Variants in LIMA1 observed in about 807,000 individuals in gnomAD.
LIMA1 encodes the protein LIM domain and actin binding 1, also known as LIM domain and actin-binding protein 1.
In LIMA1, 52 loss-of-function variants were observed where a neutral mutation model predicts 62.6. That is an observed-to-expected ratio of 0.83 (90% CI 0.67 to 1.05). LIMA1 has a LOEUF of 1.05. LIMA1 is among the 50% of genes least tolerant of loss of function. The probability of loss-of-function intolerance (pLI) is 0.00; values close to 1 mark genes in which losing one functional copy is unlikely to be tolerated. For missense variants in LIMA1, 780 were observed against 902.2 expected, an observed-to-expected ratio of 0.86 and a Z score of 1.74; for synonymous variants, 302 against 317.8, an observed-to-expected ratio of 0.95 and a Z score of 0.53.
At chr12:50,198,005 A>G (rs1940967174) in intron 7 of LIMA1, among the ~76,000 whole-genome samples, 1 of 152,238 alleles carries the variant, frequency 6.6e-6, no homozygotes, top group Non-Finnish European at 1.5e-5. Flanking sequence ...ATGGGGGATT[A>G]TATGACCATG....
At chr12:50,203,396 T>C (rs1020315235) in intron 6 of LIMA1, among the ~76,000 whole-genome samples, 6 of 151,964 alleles carry the variant, frequency 3.9e-5, no homozygotes, top group Non-Finnish European at 8.8e-5. Flanking sequence ...GGACCCTCCA[T>C]TGTATTTTGA....
intron 4 of LIMA1, among the ~76,000 whole-genome samples, chr12:50,216,207 C>T (rs190997524): frequency 2.0e-5 from 3 of 152,056 alleles, no homozygotes; most frequent in Admixed American, 1.3e-4. Context: ...TAAGTGTCAC[C>T]GTGGCATTTC....
Position 50,241,408 on chromosome 12 carries a change from G to A in LIMA1, c.119+7225C>T, listed in dbSNP as rs113310986. Among the ~76,000 whole-genome samples the A allele has an allele frequency of 2.8e-3, 427 of 152,148 alleles. 3 individuals are homozygous for A. The highest frequency in any genetic ancestry group is 9.5e-3 in the African/African-American group (395 of 41,508). ...TTAGCCAACTGTTCTCCAAGGCAAG[G>A]TATTTACATTGTGGTTAGTTGAGTA... On this transcript the variant is annotated intron_variant, in intron 2 of 10. Transcript: ENST00000341247.
At chr12:50,201,103 G>A in intron 6 of LIMA1, 1 of 1,315,452 alleles carries the variant, frequency 7.6e-7, no homozygotes, top group Non-Finnish European at 9.7e-7. Context: ...CTGTATGCTA[G>A]TGTAAAACTG....
At chr12:50,227,107 A>C (rs919236093) in intron 3 of LIMA1, among the ~76,000 whole-genome samples, 2 of 152,050 alleles carry the variant, frequency 1.3e-5, no homozygotes, top group African/African-American at 2.4e-5. Context: ...GTGTATCTAT[A>C]TAGACAGAGT....
At chr12:50,226,551 A>G (rs1413844202) in intron 3 of LIMA1, among the ~76,000 whole-genome samples, 4 of 152,106 alleles carry the variant, frequency 2.6e-5, no homozygotes, top group Admixed American at 2.6e-4. Context: ...ATAATGAAAA[A>G]AAGATTTCAC....
chr12:50,213,122 G>A (rs1179154599), intron 4 of LIMA1, among the ~76,000 whole-genome samples: 3 of 152,274 alleles, frequency 2.0e-5, no homozygotes, highest in South Asian at 4.1e-4. Context: ...GAGCCACCAC[G>A]CCAGGTCCCA....
intron 10 of LIMA1, among the ~76,000 whole-genome samples, chr12:50,179,847 C>A (rs1940454894): frequency 6.6e-6 from 1 of 151,690 alleles, no homozygotes; most frequent in Non-Finnish European, 1.5e-5. Context: ...CTCAAGTGAT[C>A]CTCCAGCCTC....
At chr12:50,208,694 A>ATG (rs1015713978) in intron 4 of LIMA1, among the ~76,000 whole-genome samples, 17 of 151,556 alleles carry the variant, frequency 1.1e-4, no homozygotes, top group East Asian at 5.8e-4. Context: ...CATATTACAT[A>ATG]TGTGTGTGTG....
In LIMA1 at chr12:50,178,033, A is replaced by G. The variant is rs1277502294; in HGVS notation, c.1311T>C (p.Tyr437=). The G allele has an allele frequency of 6.4e-7, 1 of 1,559,066 alleles. No homozygotes were observed. Among genetic ancestry groups the G allele is most frequent in the Non-Finnish European group, 8.6e-7 (1 of 1,157,590 alleles). Residue 437 remains tyrosine (Y), a synonymous_variant, in exon 11 of 11, where the codon TAT becomes TAC. Coordinates refer to ENST00000341247, the MANE Select transcript of LIMA1 (RefSeq NM_016357.5). ...GTYASLHGRI[Y]CKPHFNQLFK... is the part of the protein sequence containing the mutation. ...AGAGTTGATTGAAGTGAGGCTTACA[A>G]TAGATTCTTCCATGTAAAGATGCAT...
chr12:50,234,966 A>G (rs1047425556), intron 2 of LIMA1, among the ~76,000 whole-genome samples: 10 of 152,222 alleles, frequency 6.6e-5, no homozygotes, highest in Admixed American at 3.9e-4. Flanking sequence ...AGCTACGATC[A>G]TGCCACTGTA....
At chr12:50,222,573 C>A (rs1294800855) in intron 3 of LIMA1, 88 bp from the exon 4 acceptor site, 2 of 1,577,868 alleles carry the variant, frequency 1.3e-6, no homozygotes, top group Admixed American at 3.7e-5. Flanking sequence ...AGTTAAAACT[C>A]CAAGCTGCTC....
rs577308413 is a variant in LIMA1, at chr12:50,241,933, A to ATTTTTTTTTTTTTTTTTTTTTT, written c.119+6678_119+6699dup. ...AATTTTGTTCCTCTTTCCTTCCCAGATTTTTTTTTTTTTTTTTTTTTTTTT... is the reference window on the plus strand; with the variant it reads ...AATTTTGTTCCTCTTTCCTTCCCAGATTTTTTTTTTTTTTTTTTTTTTTTTTTTTTTTTTTTTTTTTTTTTTT... On this transcript the variant is annotated intron_variant, in intron 2 of 10. Transcript: ENST00000341247. 5.5e-5 allele frequency among the ~76,000 whole-genome samples: 2 copies of ATTTTTTTTTTTTTTTTTTTTTT among 36,406 alleles called. 1 individual carries two copies. The highest frequency in any genetic ancestry group is 2.0e-4 in the African/African-American group (2 of 10,198). 23.9% of individuals were successfully genotyped at this position (36,406 alleles called of 152,430 possible). A position where few individuals can be genotyped will look rare whatever the true frequency, so the allele number is the denominator to read the frequency against.
rs144202278 is a variant in LIMA1 at position 50,177,876 on chromosome 12, T to C, written c.1468A>G (p.Ser490Gly). 28 of 1,613,290 alleles carry C rather than the reference T, an allele frequency of 1.7e-5. No individual in the cohort carries two copies. The highest frequency in any genetic ancestry group is 2.7e-5 in the African/African-American group (2 of 75,010). Residue 490 changes from serine to glycine, a missense_variant, in exon 11 of 11, where the codon AGC becomes GGC. Transcript: ENST00000341247. ...ATAGGGGCATCTTCTACCCCTGGGC[T>C]GTGAGGGGTCTCCCTTGCATTTGCA... ...QLANARETPH[S>G]PGVEDAPIAK...
intron 4 of LIMA1, chr12:50,218,419 T>A (rs1184599623): frequency 6.6e-6 from 1 of 152,144 alleles, no homozygotes; most frequent in African/African-American, 2.4e-5. Context: ...TCAAGACCAC[T>A]TACCCCAAAT....
chr12:50,212,703 T>TTGTA (rs1941278987), intron 4 of LIMA1, among the ~76,000 whole-genome samples: 1 of 152,200 alleles, frequency 6.6e-6, no homozygotes, highest in Admixed American at 6.5e-5. Context: ...TGTCCTTATA[T>TTGTA]TGTACTAGTG....
rs143161260 is a variant in LIMA1, at chr12:50,177,930, C to A, written c.1414G>T (p.Glu472Ter). The part of the protein sequence containing the change: ...KDLWASKNEN[E>*]EILERPAQLA... ...TGGGCTGGTCTCTCCAAAATCTCTT[C>A]GTTTTCATTTTTGCTTGCCCATAGA... is the stretch of plus-strand genomic sequence containing the variant. The change falls in exon 11 of 11, where the codon GAA becomes TAA. Residue 472 changes from glutamate to a stop codon, truncating the protein, a stop_gained. Transcript: ENST00000341247. LOFTEE classifies it high-confidence loss of function. The A allele has an allele frequency of 6.2e-7, 1 of 1,614,026 alleles. No individual in the cohort carries two copies.
At chr12:50,215,009 T>C (rs1300426399) in intron 4 of LIMA1, among the ~76,000 whole-genome samples, 1 of 152,226 alleles carries the variant, frequency 6.6e-6, no homozygotes, top group Non-Finnish European at 1.5e-5. Context: ...GCATTCCCTA[T>C]GGACACCTAC....
chr12:50,244,643 G>A (rs1229950562), intron 2 of LIMA1, among the ~76,000 whole-genome samples: 1 of 152,186 alleles, frequency 6.6e-6, no homozygotes, highest in Non-Finnish European at 1.5e-5. Context: ...AGCCTTCATG[G>A]AGAAAAGACA....
Sources: allele counts gnomAD v4.1 joint callset (sites outside exome capture counted in the v4.1 genomes callset), GRCh38; gene constraint gnomAD v4.1.1; transcripts MANE v1.5; gene names NCBI Gene and HGNC (gene_info 2026-07-23, HGNC 2026-07-21).